Variants in SPRY3 observed in about 807,000 individuals in gnomAD.
The protein encoded by SPRY3 is sprouty RTK signaling antagonist 3.
A neutral mutation model predicts 20.2 loss-of-function variants in SPRY3; 15 were observed. The observed-to-expected ratio is 0.74, with a 90% CI of 0.50 to 1.14. The LOEUF (loss-of-function observed/expected upper bound fraction) is 1.14. SPRY3 is among the 50% of genes most tolerant of loss of function. The pLI is 0.00. For missense variants in SPRY3, 364 were observed against 363.9 expected, an observed-to-expected ratio of 1.00 and a Z score of 0.00; for synonymous variants, 143 against 136.5, an observed-to-expected ratio of 1.05 and a Z score of -0.33.
At chrX:155,668,845 C>T (rs2068032189) in intron 2 of SPRY3, among the ~76,000 whole-genome samples, 1 of 110,670 alleles carries the variant, frequency 9.0e-6, no homozygotes, top group Non-Finnish European at 1.9e-5. Context: ...TTAGGATATT[C>T]TATTTCTGCC....
chrX:155,714,893 C>G (rs1453514328), intron 2 of SPRY3, among the ~76,000 whole-genome samples: 2 of 152,042 alleles, frequency 1.3e-5, no homozygotes, highest in East Asian at 3.9e-4. Flanking sequence ...GCCAGCCCAC[C>G]ACCAATGTTT....
chrX:155,741,986 C>T (rs1350450822), intron 2 of SPRY3, among the ~76,000 whole-genome samples: 10 of 152,094 alleles, frequency 6.6e-5, no homozygotes, highest in Admixed American at 2.0e-4. Flanking sequence ...ATCAAATTCA[C>T]GCATAACAAT....
rs782563560 is a variant in SPRY3, at chrX:155,661,976, A to G, written c.-282+4951A>G. ...TTCTGATTTCTTTCTGTTCTTTTCA[A>G]CTTTCTCTTGATTTCCACTGGGTTT... On this transcript the variant is annotated intron_variant, in intron 2 of 3. Coordinates refer to ENST00000675360, the Ensembl canonical transcript of SPRY3. Among the ~76,000 whole-genome samples, 3 of 111,510 alleles carry G rather than the reference A, an allele frequency of 2.7e-5. No individual in the cohort carries two copies. In the South Asian group the frequency reaches 1.1e-3, roughly 41 times the overall value.
chrX:155,648,612 T>C (rs1025631354), intron 1 of SPRY3, among the ~76,000 whole-genome samples: 11 of 112,005 alleles, frequency 9.8e-5, no homozygotes, highest in African/African-American at 2.6e-4. Flanking sequence ...TGGTTGTAGA[T>C]GTGTGGTGTT....
rs1557348835 is a variant in SPRY3 at position 155,616,100 on chromosome X, G to GTCTCTCTCCCTCTCTCTCTCTC, written c.-441+3461_-441+3462insCCTCTCTCTCTCTCTCTCTCTC. 1.2e-3 allele frequency among the ~76,000 whole-genome samples: 53 copies of GTCTCTCTCCCTCTCTCTCTCTC among 42,874 alleles called. 3 individuals carry two copies. The highest frequency in any genetic ancestry group is 3.0e-3 in the South Asian group (2 of 666). 37.2% of individuals were successfully genotyped at this position (42,874 alleles called of 115,157 possible). A position where few individuals can be genotyped will look rare whatever the true frequency, so the allele number is the denominator to read the frequency against. ...ATTTTTCCCTGCACATTTATCTGGGGTCTCTCTCTCTCTCTCTCTCTCTCT... is the reference window on the plus strand; with the variant it reads ...ATTTTTCCCTGCACATTTATCTGGGGTCTCTCTCCCTCTCTCTCTCTCTCTCTCTCTCTCTCTCTCTCTCTCT... On this transcript the variant is annotated intron_variant, in intron 1 of 3. Transcript: ENST00000675360.
intron 2 of SPRY3, among the ~76,000 whole-genome samples, chrX:155,723,323 G>A (rs1466602418): frequency 3.3e-5 from 5 of 152,108 alleles, no homozygotes; most frequent in African/African-American, 1.2e-4. Flanking sequence ...GGGTCAAATG[G>A]TATTTCTAGT....
intron 1 of SPRY3, among the ~76,000 whole-genome samples, chrX:155,618,509 T>C (rs2067861263): frequency 8.9e-6 from 1 of 111,733 alleles, no homozygotes. Context: ...GTGTTTTTTT[T>C]GGGAATACCA....
intron 1 of SPRY3, among the ~76,000 whole-genome samples, chrX:155,652,174 T>C (rs891869354): frequency 5.0e-4 from 56 of 111,323 alleles, no homozygotes; most frequent in African/African-American, 1.8e-3. Flanking sequence ...TCCTCCAACA[T>C]TGGGGATTAC....
intron 2 of SPRY3, among the ~76,000 whole-genome samples, chrX:155,766,187 A>C (rs922889021): frequency 2.0e-5 from 3 of 152,156 alleles, no homozygotes; most frequent in Non-Finnish European, 4.4e-5. Flanking sequence ...ATGTCATCAC[A>C]ACTGTTTGGA....
chrX:155,755,131 TCTAA>T (rs1233913002), intron 2 of SPRY3, among the ~76,000 whole-genome samples: 43 of 150,144 alleles, frequency 2.9e-4, no homozygotes, highest in African/African-American at 1.0e-3. Flanking sequence ...AAGTAAAAAG[TCTAA>T]CTGGAGAGTA....
chrX:155,704,321 A>C (rs1048748131), intron 2 of SPRY3, among the ~76,000 whole-genome samples: 1 of 151,828 alleles, frequency 6.6e-6, no homozygotes, highest in Non-Finnish European at 1.5e-5. Flanking sequence ...AAACTATAAT[A>C]AAGAATCAAA....
chrX:155,764,771 G>A (rs777161665), intron 2 of SPRY3, among the ~76,000 whole-genome samples: 9 of 152,242 alleles, frequency 5.9e-5, no homozygotes, highest in African/African-American at 2.2e-4. Context: ...GAAGAGAGAG[G>A]TGATTAGGCA....
At chrX:155,672,425 A>C (rs2124560390) in intron 2 of SPRY3, among the ~76,000 whole-genome samples, 1 of 111,505 alleles carries the variant, frequency 9.0e-6, no homozygotes, top group South Asian at 3.8e-4. Flanking sequence ...GACATTTCTC[A>C]AAAGAAGACA....
chrX:155,773,307 G>GCTTTAT (rs4013148), intron 3 of SPRY3, among the ~76,000 whole-genome samples: 1 of 120,740 alleles, frequency 8.3e-6, no homozygotes, highest in Non-Finnish European at 1.7e-5. Flanking sequence ...ATTTTGATTG[G>GCTTTAT]ATATATATAT....
chrX:155,768,905 C>T (rs922678263), intron 3 of SPRY3, among the ~76,000 whole-genome samples: 1 of 152,190 alleles, frequency 6.6e-6, no homozygotes, highest in African/African-American at 2.4e-5. Flanking sequence ...GAACAGAAAA[C>T]AGACCTTGAA....
chrX:155,743,672 AT>A (rs1431694802), intron 2 of SPRY3, among the ~76,000 whole-genome samples: 1 of 152,102 alleles, frequency 6.6e-6, no homozygotes, highest in African/African-American at 2.4e-5. Context: ...TGGGGGGTAA[AT>A]TTTAAACACC....
chrX:155,713,428 C>T (rs1181951395), intron 2 of SPRY3, among the ~76,000 whole-genome samples: 1 of 151,976 alleles, frequency 6.6e-6, no homozygotes, highest in East Asian at 1.9e-4. Flanking sequence ...TTTTGTTTGT[C>T]TGGGAATGTA....
intron 3 of SPRY3, among the ~76,000 whole-genome samples, chrX:155,772,643 C>T (rs2091387925): frequency 6.6e-6 from 1 of 152,000 alleles, no homozygotes; most frequent in African/African-American, 2.4e-5. Flanking sequence ...ATACAGCAGT[C>T]TGCTATTTGT....
At chrX:155,771,682 T>C (rs1210466093) in intron 3 of SPRY3, among the ~76,000 whole-genome samples, 3 of 152,168 alleles carry the variant, frequency 2.0e-5, no homozygotes, top group Non-Finnish European at 4.4e-5. Context: ...TCCTTTTTTA[T>C]TTGGGTGTCT....
Sources: gnomAD v4.1 joint callset for allele counts (sites outside exome capture counted in the v4.1 genomes callset) on GRCh38, gnomAD v4.1.1 for gene constraint, MANE v1.5 for transcripts, NCBI Gene and HGNC (gene_info 2026-07-23, HGNC 2026-07-21) for gene names.